Variants in NLRC4 observed in about 807,000 individuals in gnomAD.
NLRC4 encodes NLR family CARD domain containing 4.
NLRC4 carries 63 observed loss-of-function variants against 79.9 expected under a neutral mutation model. The observed-to-expected ratio is 0.79, with a 90% CI of 0.64 to 0.97. The LOEUF is 0.97. NLRC4 is among the 50% of genes least tolerant of loss of function. The probability of loss-of-function intolerance (pLI) is 0.00; values close to 1 mark genes in which losing one functional copy is unlikely to be tolerated. For missense variants in NLRC4, 1,074 were observed against 1,215.2 expected, an observed-to-expected ratio of 0.88 and a Z score of 1.73; for synonymous variants, 461 against 456.5, an observed-to-expected ratio of 1.01 and a Z score of -0.12.
chr2:32,229,426 G>A (rs116601679), intron 8 of NLRC4, among the ~76,000 whole-genome samples: 82 of 152,240 alleles, frequency 5.4e-4, no homozygotes, highest in African/African-American at 1.1e-3. Flanking sequence ...CCCAGGAAGC[G>A]GAGGTTGCAG....
At chr2:32,254,387 T>A (rs981900955) in intron 2 of NLRC4, among the ~76,000 whole-genome samples, 1 of 151,962 alleles carries the variant, frequency 6.6e-6, no homozygotes, top group Non-Finnish European at 1.5e-5. Flanking sequence ...GAGTATCACA[T>A]CAAAACACTG....
At chr2:32,238,802 C>CTA in intron 5 of NLRC4, among the ~76,000 whole-genome samples, 1 of 152,282 alleles carries the variant, frequency 6.6e-6, no homozygotes, top group East Asian at 1.9e-4. Context: ...AGACCACATC[C>CTA]ACTGCAGCAT....
chr2:32,238,688 A>G (rs909741036), intron 5 of NLRC4, among the ~76,000 whole-genome samples: 4 of 152,074 alleles, frequency 2.6e-5, no homozygotes, highest in Non-Finnish European at 5.9e-5. Flanking sequence ...TCAGGGAGGT[A>G]GATGAGGACT....
chr2:32,227,810 T>C lies in NLRC4; in HGVS notation c.2783-3045A>G, dbSNP rs1272322761. Among the ~76,000 whole-genome samples, 3 of 152,282 alleles carry C rather than the reference T, an allele frequency of 2.0e-5. No homozygotes were observed. In the East Asian group the frequency reaches 5.8e-4, roughly 29 times the overall value. On this transcript the variant is annotated intron_variant, in intron 8 of 8. Coordinates refer to ENST00000402280, the MANE Select transcript of NLRC4 (RefSeq NM_001199138.2). ...CATTTAATCTGCAGTGCTTATGTTA[T>C]GAGGAGCAGACTAGATCCAAGAGAA...
intron 4 of NLRC4, among the ~76,000 whole-genome samples, chr2:32,246,369 G>T (rs1002238691): frequency 6.6e-6 from 1 of 152,122 alleles, no homozygotes; most frequent in Non-Finnish European, 1.5e-5. Context: ...TACAGTCTTC[G>T]TGACACCCAG....
intron 8 of NLRC4, among the ~76,000 whole-genome samples, chr2:32,228,377 C>T (rs1227621321): frequency 1.3e-5 from 2 of 152,224 alleles, no homozygotes; most frequent in East Asian, 3.9e-4. Flanking sequence ...GCCCAATCAC[C>T]CCCTAGTGGA....
chr2:32,237,703 T>C (rs1686704442), intron 6 of NLRC4, among the ~76,000 whole-genome samples: 1 of 152,236 alleles, frequency 6.6e-6, no homozygotes, highest in African/African-American at 2.4e-5. Flanking sequence ...AATTATCATA[T>C]CATGCACATT....
intron 8 of NLRC4, among the ~76,000 whole-genome samples, chr2:32,229,165 C>T (rs926060158): frequency 6.6e-6 from 1 of 151,946 alleles, no homozygotes; most frequent in Non-Finnish European, 1.5e-5. Context: ...CATGGTGGCT[C>T]ATGCCTGTAA....
chr2:32,239,444 C>T (rs755586105), intron 5 of NLRC4, among the ~76,000 whole-genome samples: 3 of 151,984 alleles, frequency 2.0e-5, no homozygotes, highest in Non-Finnish European at 4.4e-5. Flanking sequence ...GAGTATATAC[C>T]GGTTAAAGGT....
intron 4 of NLRC4, among the ~76,000 whole-genome samples, chr2:32,246,255 A>G (rs1233951073): frequency 6.6e-6 from 1 of 152,242 alleles, no homozygotes; most frequent in East Asian, 1.9e-4. Context: ...TATAAACACC[A>G]TATAGGCCAA....
At chr2:32,245,774 A>G (rs1686920973) in intron 4 of NLRC4, among the ~76,000 whole-genome samples, 1 of 152,206 alleles carries the variant, frequency 6.6e-6, no homozygotes, top group Admixed American at 6.5e-5. Flanking sequence ...TGAAAAATAG[A>G]AAAAATTTAC....
rs766234274 is a variant in NLRC4, at chr2:32,236,353, G to A, written c.2522-14C>T. On this transcript the variant is annotated splice_polypyrimidine_tract_variant and intron_variant, in intron 6 of 8. Transcript: ENST00000402280. ...GAAGATTCTGAGCTGGGGAAAAAAA[G>A]TAATCCAAAATAAAAAGATTTTCAG... The A allele has an allele frequency of 4.0e-6, 6 of 1,511,496 alleles. No individual in the cohort carries two copies. The South Asian group carries it at 4.7e-5, about 12-fold the overall frequency. The allele number at this position is 1,511,496 out of a possible 1,614,324, so 93.6% of individuals were successfully genotyped here. A position where few individuals can be genotyped will look rare whatever the true frequency, so the allele number is the denominator to read the frequency against.
chr2:32,236,269 T>G lies in NLRC4; in HGVS notation c.2592A>C (p.Gly864=). The G allele has an allele frequency of 6.2e-7, 1 of 1,609,662 alleles. No homozygotes were observed. The highest frequency in any genetic ancestry group is 1.3e-5 in the African/African-American group (1 of 74,928). Residue 864 remains glycine (G), a synonymous_variant, in exon 7 of 9, where the codon GGA becomes GGC. Transcript: ENST00000402280. ...TACTCAGTTCATGAAGAGCTTCATT[T>G]CCATCTTTTTCCAGGTAATTTTCTG... ...DLSENYLEKD[G]NEALHELIDR...
chr2:32,247,258 G>A (rs1055827219), intron 4 of NLRC4, among the ~76,000 whole-genome samples: 1 of 152,044 alleles, frequency 6.6e-6, no homozygotes, highest in African/African-American at 2.4e-5. Context: ...GGGGGTGCTC[G>A]CAGGAGAAGG....
rs1230429078 is a variant in NLRC4 at position 32,250,235 on chromosome 2, T to C, written c.1629A>G (p.Gln543=). 1 of 1,614,086 alleles carries C rather than the reference T, an allele frequency of 6.2e-7. No individual in the cohort carries two copies. Among genetic ancestry groups the C allele is most frequent in the Non-Finnish European group, 8.5e-7 (1 of 1,180,056 alleles). ...TGATGTTTATGGCTTTCAGAATTTCTTGCTCAGTGGTGTTTTTCACACTTT... is the reference window on the plus strand; with the variant it reads ...TGATGTTTATGGCTTTCAGAATTTCCTGCTCAGTGGTGTTTTTCACACTTT... ...SLQSVKNTTE[Q]EILKAININS... The change falls in exon 4 of 9, where the codon CAA becomes CAG. Residue 543 remains glutamine, a synonymous_variant. Coordinates refer to ENST00000402280, the MANE Select transcript of NLRC4 (RefSeq NM_001199138.2). The surrounding 1 kb of genome is among the most constrained non-coding windows in gnomAD (Gnocchi z 4.9).
intron 2 of NLRC4, among the ~76,000 whole-genome samples, chr2:32,254,612 G>A (rs1687160754): frequency 8.0e-6 from 1 of 124,606 alleles, no homozygotes. Flanking sequence ...GGCTGCTCCT[G>A]GTTTTTTTTT....
At chr2:32,236,024 A>G (rs987408025) in intron 7 of NLRC4, among the ~76,000 whole-genome samples, 3 of 152,172 alleles carry the variant, frequency 2.0e-5, no homozygotes, top group East Asian at 1.9e-4. Flanking sequence ...AGCAGGTGGG[A>G]TACCGCCTCA....
intron 4 of NLRC4, among the ~76,000 whole-genome samples, chr2:32,248,858 A>G (rs1687000282): frequency 6.6e-6 from 1 of 152,152 alleles, no homozygotes; most frequent in Admixed American, 6.6e-5. Context: ...GTCTCAAGAT[A>G]AGCAATATTG....
chr2:32,244,887 A>G (rs191237582), intron 4 of NLRC4, among the ~76,000 whole-genome samples: 4,027 of 151,136 alleles, frequency 0.027, 82 homozygotes, highest in Admixed American at 0.065. Context: ...GGAGAGGAAG[A>G]AGGAGGAGGA....
Sources: gnomAD v4.1 joint callset for allele counts (sites outside exome capture counted in the v4.1 genomes callset) on GRCh38, gnomAD v4.1.1 for gene constraint, Gnocchi (gnomAD v3.1) non-coding constraint, MANE v1.5 for transcripts, NCBI Gene and HGNC (gene_info 2026-07-23, HGNC 2026-07-21) for gene names.